The following XRN1 variants were observed in gnomAD, a reference collection of about 807,000 sequenced individuals.
XRN1 encodes the protein strand-exchange protein 1 homolog.
Under a neutral mutation model 222.3 loss-of-function variants are expected in XRN1, and 67 were observed. That is an observed-to-expected ratio of 0.30 (90% CI 0.25 to 0.37). XRN1 has a LOEUF of 0.37. Among genes scored for constraint, XRN1 ranks in the 10% least tolerant of loss-of-function variants. The pLI is 1.00. For synonymous variants in XRN1, 643 were observed against 652.4 expected (o/e 0.99, Z 0.22); for missense variants, 1,707 against 2,000.2 (o/e 0.85, Z 2.80).
chr3:142,422,550 G>A (rs2069080181), intron 8 of XRN1, 32 bp downstream of exon 8: 1 of 1,594,564 alleles, frequency 6.3e-7, no homozygotes, highest in Non-Finnish European at 8.6e-7. Context: ...CTAAATTAAA[G>A]TATCCTCGAG....
intron 20 of XRN1, among the ~76,000 whole-genome samples, chr3:142,386,218 T>C (rs568079801): frequency 6.6e-6 from 1 of 152,140 alleles, no homozygotes; most frequent in East Asian, 1.9e-4. Context: ...ACCAGGACAT[T>C]TCAGGAAATC....
At position 142,311,733 on chromosome 3, in the gene XRN1, A is replaced by G. The variant is rs772799485; in HGVS notation, c.4863T>C (p.Thr1621=). Reference sequence around the variant, plus strand: ...CAATGTTGGAAGAATCTGGCTGGCTAGTCTGAACTGGAGTGGCTTGAGAAC... The same window carrying G: ...CAATGTTGGAAGAATCTGGCTGGCTGGTCTGAACTGGAGTGGCTTGAGAAC... ...AQSSQATPVQ[T]SQPDSSNIVK... The change falls in exon 41 of 41, where the codon ACT becomes ACC. Residue 1621 remains threonine (T), a synonymous_variant. Transcript: ENST00000392981. 5 of 1,614,142 alleles carry G rather than the reference A, an allele frequency of 3.1e-6. No homozygotes were observed. The South Asian group carries it at 3.3e-5, about 11-fold the overall frequency.
At chr3:142,316,892 A>T (rs1002942857) in intron 39 of XRN1, among the ~76,000 whole-genome samples, 95 of 151,894 alleles carry the variant, frequency 6.3e-4, no homozygotes, top group African/African-American at 2.2e-3. Flanking sequence ...ACATAGTGAG[A>T]CCTTGTTGCT....
chr3:142,418,648 T>C (rs1440832574), intron 11 of XRN1, 39 bp from the exon 12 acceptor site: 13 of 1,515,222 alleles, frequency 8.6e-6, no homozygotes, highest in Non-Finnish European at 9.9e-6. Flanking sequence ...CTGACAATTA[T>C]GAATAGCCTG....
chr3:142,418,928 A>G lies in XRN1; in HGVS notation c.1174-47T>C, dbSNP rs776556485. The G allele has an allele frequency of 6.5e-6, 10 of 1,539,652 alleles. No individual in the cohort carries two copies. The Admixed American group carries it at 1.0e-4, about 15-fold the overall frequency. On this transcript the variant is annotated intron_variant, in intron 10 of 40. Transcript: ENST00000392981. Reference sequence around the variant, plus strand: ...AAAATGAATGGCAAGATACATTTCAAAATGAGATGTCATTTCTCTTCCATG... The same window carrying G: ...AAAATGAATGGCAAGATACATTTCAGAATGAGATGTCATTTCTCTTCCATG...
chr3:142,411,264 T>C (rs1275261833), intron 15 of XRN1, among the ~76,000 whole-genome samples: 1 of 152,200 alleles, frequency 6.6e-6, no homozygotes, highest in African/African-American at 2.4e-5. Flanking sequence ...AGGTAGGATT[T>C]ACTGACTTTA....
At chr3:142,407,491 G>T (rs995353684) in intron 15 of XRN1, among the ~76,000 whole-genome samples, 3 of 152,022 alleles carry the variant, frequency 2.0e-5, no homozygotes, top group African/African-American at 7.3e-5. Context: ...CACCAACCTG[G>T]CTAATTTTTG....
intron 37 of XRN1, among the ~76,000 whole-genome samples, chr3:142,326,589 G>T (rs750800145): frequency 6.6e-6 from 1 of 152,060 alleles, no homozygotes; most frequent in African/African-American, 2.4e-5. Context: ...AGAGTAGTTT[G>T]ACTCCTTCCT....
chr3:142,332,209 C>T (rs1490221903), intron 36 of XRN1, among the ~76,000 whole-genome samples, 166 bp downstream of exon 36: 1 of 152,052 alleles, frequency 6.6e-6, no homozygotes, highest in East Asian at 1.9e-4. Flanking sequence ...TGCTTGAGGT[C>T]AGAAGTTTGA....
In XRN1 at chr3:142,397,433, T is replaced by A. The variant is rs575826032; in HGVS notation, c.2235A>T (p.Thr745=). Residue 745 remains threonine (T), a synonymous_variant, in exon 20 of 41, where the codon ACA becomes ACT. Transcript: ENST00000392981. ...CAGTTCTTCCTGAATAAAGCTTCTG[T>A]GTTCCTGGAGGTTCTTCCAAGTAAA... ...TKFYLEEPPG[T]QKLYSGRTAP... 1.1e-5 allele frequency: 17 copies of A among 1,607,526 alleles called. No homozygotes were observed. The East Asian group carries it at 3.6e-4, about 34-fold the overall frequency.
intron 33 of XRN1, among the ~76,000 whole-genome samples, chr3:142,346,910 A>G (rs2066159803): frequency 6.6e-6 from 1 of 152,214 alleles, no homozygotes; most frequent in Admixed American, 6.5e-5. Flanking sequence ...AGCCAGTCAT[A>G]AAAGTTCATA....
intron 37 of XRN1, among the ~76,000 whole-genome samples, chr3:142,327,047 C>T (rs13080394): frequency 0.38 from 57,589 of 151,916 alleles, 10,948 homozygotes; most frequent in Middle Eastern, 0.47. Context: ...TTTATATCTA[C>T]TTCATCAGAT....
At chr3:142,414,092 A>G (rs1210616526) in intron 14 of XRN1, 43 bp downstream of exon 14, 2 of 1,491,052 alleles carry the variant, frequency 1.3e-6, no homozygotes, top group East Asian at 2.4e-5. Flanking sequence ...AAGAGCTTCT[A>G]AATATCAAAA....
intron 1 of XRN1, among the ~76,000 whole-genome samples, chr3:142,436,706 T>C (rs1267311851): frequency 1.3e-5 from 2 of 152,122 alleles, no homozygotes; most frequent in East Asian, 3.8e-4. Context: ...AATTATGAAA[T>C]AGATTCATAT....
In XRN1 at chr3:142,447,286, T is replaced by G. The variant is rs540719005; in HGVS notation, c.75+584A>C. Among the ~76,000 whole-genome samples, 1 of 152,310 alleles carries G rather than the reference T, an allele frequency of 6.6e-6. No individual in the cohort carries two copies. Among genetic ancestry groups the G allele is most frequent in the South Asian group, 2.1e-4 (1 of 4,826 alleles). ...CAGCTGGCCCAAGAGTTTTTTGTTT[T>G]GGCAACAGGGGATTGGTGCTGCTTT... is the stretch of plus-strand genomic sequence containing the variant. On this transcript the variant is annotated intron_variant, in intron 1 of 40. Coordinates refer to ENST00000392981, the MANE Select transcript of XRN1 (RefSeq NM_001282857.2). The surrounding 1 kb of genome is among the most constrained non-coding windows in gnomAD (Gnocchi z 4.2).
intron 37 of XRN1, among the ~76,000 whole-genome samples, chr3:142,319,484 T>C (rs2065291377): frequency 6.6e-6 from 1 of 152,218 alleles, no homozygotes. Flanking sequence ...ACTTTAATTT[T>C]CTGTTTTATA....
intron 36 of XRN1, among the ~76,000 whole-genome samples, chr3:142,329,948 A>G (rs1194004033): frequency 6.6e-6 from 1 of 152,240 alleles, no homozygotes; most frequent in African/African-American, 2.4e-5. Flanking sequence ...TGAGTCTTCC[A>G]TGAAGCACAT....
rs888778068 is a variant in XRN1, at chr3:142,420,650, T to C, written c.1173+366A>G. On this transcript the variant is annotated intron_variant, in intron 10 of 40. Transcript: ENST00000392981. ...CCTCCCAAAGTGCTGGGATTACAGG[T>C]GTGAGCCACTGCACCTGGCCTTAAA... Among the ~76,000 whole-genome samples, 8 of 151,698 alleles carry C rather than the reference T, an allele frequency of 5.3e-5. No individual in the cohort carries two copies. In the East Asian group the frequency reaches 1.5e-3, roughly 29 times the overall value.
In XRN1 at chr3:142,312,667, T is replaced by C. The variant is rs369026453; in HGVS notation, c.4713A>G (p.Leu1571=). 1.4e-5 allele frequency: 23 copies of C among 1,613,750 alleles called. No homozygotes were observed. The highest frequency in any genetic ancestry group is 1.6e-4 in the Middle Eastern group (1 of 6,082). ...PVPGKPFHHT[L]YSGTMPMAGG... ...CAGCCATGGGCATGGTCCCAGAATA[T>C]AAAGTATGATGGAAGGGCTTCCCAG... Residue 1571 remains leucine (L), a synonymous_variant, in exon 40 of 41, where the codon TTA becomes TTG. Coordinates refer to ENST00000392981, the MANE Select transcript of XRN1 (RefSeq NM_001282857.2).
Sources: allele counts gnomAD v4.1 joint callset (sites outside exome capture counted in the v4.1 genomes callset), GRCh38; gene constraint gnomAD v4.1.1; non-coding constraint Gnocchi (gnomAD v3.1); transcripts MANE v1.5; gene names NCBI Gene and HGNC (gene_info 2026-07-23, HGNC 2026-07-21).